The following SLC5A1 variants were observed in gnomAD, a reference collection of about 807,000 sequenced individuals.
SLC5A1 encodes solute carrier family 5 member 1.
SLC5A1 carries 42 observed loss-of-function variants against 73.5 expected under a neutral mutation model. That is an observed-to-expected ratio of 0.57 (90% confidence interval 0.45 to 0.74). The LOEUF (loss-of-function observed/expected upper bound fraction) is 0.74, where lower values mean the gene tolerates loss of function less well. Among genes scored for constraint, SLC5A1 ranks in the 30% least tolerant of loss-of-function variants. The pLI, the probability that SLC5A1 is intolerant of heterozygous loss-of-function variation, is 0.00. For synonymous variants in SLC5A1, 300 were observed against 317.4 expected (o/e 0.95, Z 0.58); for missense variants, 634 against 855.4 (o/e 0.74, Z 3.23).
At chr22:32,086,574 G>A (rs2094008763) in intron 10 of SLC5A1, among the ~76,000 whole-genome samples, 1 of 152,126 alleles carries the variant, frequency 6.6e-6, no homozygotes, top group South Asian at 2.1e-4. Context: ...GAAAGGAGAT[G>A]ATCTGAAAAC....
intron 1 of SLC5A1, among the ~76,000 whole-genome samples, chr22:32,046,429 A>G (rs1228515495): frequency 2.0e-5 from 3 of 149,516 alleles, no homozygotes; most frequent in Non-Finnish European, 4.4e-5. Context: ...CACCTTGACT[A>G]GTTGTCAACA....
intron 9 of SLC5A1, 41 bp downstream of exon 9, chr22:32,085,076 T>A: frequency 6.2e-7 from 1 of 1,613,156 alleles, no homozygotes; most frequent in Non-Finnish European, 8.5e-7. Flanking sequence ...TCTCCCTTTT[T>A]CTGTCTCCAA....
chr22:32,079,625 G>A (rs1395737275), intron 5 of SLC5A1, among the ~76,000 whole-genome samples: 1 of 152,136 alleles, frequency 6.6e-6, no homozygotes, highest in Non-Finnish European at 1.5e-5. Context: ...GCAGTTTAAA[G>A]GCAGTGTCAG....
rs764951456 is a variant in SLC5A1 at position 32,043,344 on chromosome 22, G to T, written c.63G>T (p.Glu21Asp). 2 of 1,614,160 alleles carry T rather than the reference G, an allele frequency of 1.2e-6. No individual in the cohort carries two copies. The highest frequency in any genetic ancestry group is 1.7e-6 in the Non-Finnish European group (2 of 1,180,012). ...TAVTRPVETH[E>D]LIRNAADISI... is the part of the protein sequence containing the mutation. ...TCACCCGGCCTGTTGAGACCCACGA[G>T]CTCATTCGCAATGCAGCCGATATCT... Residue 21 changes from glutamate (E) to aspartate (D), a missense_variant, in exon 1 of 15, where the codon GAG (glutamate) becomes GAT (aspartate). By Grantham distance (45) the Glu-to-Asp change is conservative. Around this residue, in one of 3 missense-constraint regions of SLC5A1, gnomAD observed 51 missense variants for 50.5 expected, o/e 1.01. Transcript: ENST00000266088. This position sits in a 1 kb window ranked among gnomAD's most constrained non-coding sequence, Gnocchi z 6.5.
chr22:32,085,909 A>G (rs2094007420), intron 9 of SLC5A1, among the ~76,000 whole-genome samples: 1 of 152,244 alleles, frequency 6.6e-6, no homozygotes, highest in African/African-American at 2.4e-5. Flanking sequence ...TGGGAGGCTG[A>G]GGCGGGTGGA....
chr22:32,091,566 A>T, intron 10 of SLC5A1, 46 bp from the exon 11 acceptor site: 3 of 1,609,692 alleles, frequency 1.9e-6, no homozygotes, highest in Non-Finnish European at 2.6e-6. Flanking sequence ...AGTACAAAAG[A>T]GCTGAAGGTG....
At chr22:32,094,183 A>G (rs1261576686) in intron 11 of SLC5A1, among the ~76,000 whole-genome samples, 1 of 152,182 alleles carries the variant, frequency 6.6e-6, no homozygotes, top group African/African-American at 2.4e-5. Flanking sequence ...CATCCCTGGT[A>G]CGAAACCCAC....
At chr22:32,097,990 G>C (rs1481007502) in intron 11 of SLC5A1, among the ~76,000 whole-genome samples, 1 of 152,150 alleles carries the variant, frequency 6.6e-6, no homozygotes, top group African/African-American at 2.4e-5. Flanking sequence ...AGGCATCAGG[G>C]AAATGGAGAT....
At chr22:32,108,970 G>T (rs2094051295) in intron 14 of SLC5A1, among the ~76,000 whole-genome samples, 1 of 152,008 alleles carries the variant, frequency 6.6e-6, no homozygotes, top group South Asian at 2.1e-4. Flanking sequence ...GAGTCCAGGA[G>T]TTCAAGACAA....
At chr22:32,109,939 T>C in intron 14 of SLC5A1, 51 bp from the exon 15 acceptor site, 2 of 1,507,630 alleles carry the variant, frequency 1.3e-6, no homozygotes, top group Non-Finnish European at 1.8e-6. Context: ...TGAAAACTTT[T>C]CTAGTCCATC....
In SLC5A1 at chr22:32,104,820, A is replaced by T. The variant is rs923881932; in HGVS notation, c.1700A>T (p.Lys567Ile). 7 of 1,614,032 alleles carry T rather than the reference A, an allele frequency of 4.3e-6. No homozygotes were observed. The Admixed American group carries it at 1.0e-4, about 23-fold the overall frequency. ...YRLCWSLRNS[K>I]EERIDLDAEE... is the part of the protein sequence containing the mutation. ...CTGTGTTGGAGCCTGCGCAACAGCAAAGAGGAGCGTATTGACCTGGATGCG... is the reference window on the plus strand; with the variant it reads ...CTGTGTTGGAGCCTGCGCAACAGCATAGAGGAGCGTATTGACCTGGATGCG... Residue 567 changes from lysine (K) to isoleucine (I), a missense_variant, in exon 14 of 15, where the codon AAA becomes ATA. Lys to Ile is a moderately radical substitution (Grantham distance 102). Transcript: ENST00000266088.
intron 2 of SLC5A1, among the ~76,000 whole-genome samples, chr22:32,063,332 T>C (rs1329898430): frequency 6.6e-6 from 1 of 152,164 alleles, no homozygotes; most frequent in East Asian, 1.9e-4. Flanking sequence ...GGGACACTGA[T>C]TGAGAATCAG....
intron 12 of SLC5A1, among the ~76,000 whole-genome samples, 182 bp downstream of exon 12, chr22:32,099,533 C>T (rs2094032865): frequency 6.6e-6 from 1 of 151,396 alleles, no homozygotes; most frequent in Admixed American, 6.6e-5. Flanking sequence ...GAGTGAGCTC[C>T]TCGGGAGTTG....
At chr22:32,107,504 A>T (rs1489871350) in intron 14 of SLC5A1, among the ~76,000 whole-genome samples, 2 of 152,240 alleles carry the variant, frequency 1.3e-5, no homozygotes, top group Non-Finnish European at 2.9e-5. Context: ...TAAAGCTCAG[A>T]TTCATCACAT....
chr22:32,107,455 T>G (rs1259864549), intron 14 of SLC5A1, among the ~76,000 whole-genome samples: 1 of 152,200 alleles, frequency 6.6e-6, no homozygotes, highest in Non-Finnish European at 1.5e-5. Flanking sequence ...TCATCATCAA[T>G]TCTCTTCCTA....
At chr22:32,082,126 T>C (rs897051447) in intron 6 of SLC5A1, among the ~76,000 whole-genome samples, 155 bp downstream of exon 6, 6 of 152,138 alleles carry the variant, frequency 3.9e-5, no homozygotes, top group African/African-American at 1.4e-4. Flanking sequence ...TACCAACTCA[T>C]AGACCCTCCA....
intron 5 of SLC5A1, among the ~76,000 whole-genome samples, chr22:32,075,697 G>A (rs1428147651): frequency 6.6e-6 from 1 of 152,100 alleles, no homozygotes; most frequent in African/African-American, 2.4e-5. Context: ...AGAGGACTAT[G>A]GGGAGAGAAC....
rs547449088 is a variant in SLC5A1 at position 32,053,349 on chromosome 22, T to C, written c.207+3335T>C. 3.3e-5 allele frequency among the ~76,000 whole-genome samples: 5 copies of C among 152,132 alleles called. No individual in the cohort carries two copies. In the South Asian group the frequency reaches 6.2e-4, roughly 19 times the overall value. ...TCTTCCTCCTTTTTATTCTCCTCCT[T>C]CTCCTCATTCTTTCCCTCCTTCCCT... On this transcript the variant is annotated intron_variant, in intron 2 of 14. Coordinates refer to ENST00000266088, the MANE Select transcript of SLC5A1 (RefSeq NM_000343.4).
intron 5 of SLC5A1, among the ~76,000 whole-genome samples, chr22:32,078,007 T>C (rs1026385243): frequency 6.6e-6 from 1 of 152,230 alleles, no homozygotes; most frequent in African/African-American, 2.4e-5. Flanking sequence ...TCAAATTGTG[T>C]GTATTCTTTC....
Sources: allele counts gnomAD v4.1 joint callset (sites outside exome capture counted in the v4.1 genomes callset), GRCh38; gene constraint gnomAD v4.1.1; regional missense constraint gnomAD v4.1.1; non-coding constraint Gnocchi (gnomAD v3.1); transcripts MANE v1.5; gene names NCBI Gene and HGNC (gene_info 2026-07-23, HGNC 2026-07-21).